MYO1D: variants seen among roughly 807,000 people sequenced by gnomAD.
MYO1D encodes the protein myosin ID, also known as unconventional myosin-Id.
MYO1D carries 83 observed loss-of-function variants against 122.0 expected under a neutral mutation model. The ratio of observed to expected loss-of-function variants is 0.68; its 90% CI spans 0.57 to 0.82. The LOEUF (loss-of-function observed/expected upper bound fraction) is 0.82, where lower values mean the gene tolerates loss of function less well. Among genes scored for constraint, MYO1D ranks in the 40% least tolerant of loss-of-function variants. MYO1D has a pLI of 0.00. For missense variants in MYO1D, 1,157 were observed against 1,269.5 expected (o/e 0.91, Z 1.35); for synonymous variants, 464 against 446.9 (o/e 1.04, Z -0.48).
At chr17:32,652,372 G>C (rs901488176) in intron 19 of MYO1D, among the ~76,000 whole-genome samples, 5 of 152,024 alleles carry the variant, frequency 3.3e-5, no homozygotes, top group African/African-American at 1.2e-4. Context: ...TTTTTTAAAA[G>C]ATCTGAAATG....
At position 32,732,436 on chromosome 17, in the gene MYO1D, T is replaced by C. The variant is rs531025231; in HGVS notation, c.1746+5817A>G. ...GACTCAGGCAGACAATGGGATAACC[T>C]GCCTGTGGAGAGGAGCTACCCACCA... On this transcript the variant is annotated intron_variant, in intron 14 of 21. Coordinates refer to ENST00000318217, the MANE Select transcript of MYO1D (RefSeq NM_015194.3). 1.6e-4 allele frequency among the ~76,000 whole-genome samples: 24 copies of C among 152,292 alleles called. No homozygotes were observed. In the South Asian group the frequency reaches 5.0e-3, roughly 32 times the overall value.
intron 21 of MYO1D, among the ~76,000 whole-genome samples, chr17:32,564,980 C>A (rs114151563): frequency 2.6e-5 from 4 of 152,084 alleles, no homozygotes; most frequent in African/African-American, 9.7e-5. Flanking sequence ...AACTAGACAT[C>A]ATTTCATTAT....
chr17:32,803,239 C>A (rs1372808561), intron 1 of MYO1D, among the ~76,000 whole-genome samples: 1 of 152,132 alleles, frequency 6.6e-6, no homozygotes, highest in African/African-American at 2.4e-5. Context: ...CTCCGCCTCC[C>A]AGGTTCACGC....
intron 21 of MYO1D, among the ~76,000 whole-genome samples, chr17:32,591,000 G>A (rs1469419671): frequency 6.6e-6 from 1 of 152,206 alleles, no homozygotes; most frequent in Non-Finnish European, 1.5e-5. Flanking sequence ...AGACAATGAT[G>A]AACACGTCAC....
rs112308528 is a variant in MYO1D, at chr17:32,620,527, C to A, written c.2710-15286G>T. ...CAGGCAGTCTGGGATAGAAAGGAGG[C>A]AAAAAGAAAAGCCAGGGAACCCCCC... On this transcript the variant is annotated intron_variant, in intron 20 of 21. Transcript: ENST00000318217. Among the ~76,000 whole-genome samples, 92 of 152,044 alleles carry A rather than the reference C, an allele frequency of 6.1e-4. 1 individual carries two copies. The highest frequency in any genetic ancestry group is 6.8e-3 in the Middle Eastern group (2 of 294).
intron 21 of MYO1D, among the ~76,000 whole-genome samples, chr17:32,561,134 A>G (rs1597898527): frequency 6.9e-6 from 1 of 145,750 alleles, no homozygotes; most frequent in Non-Finnish European, 1.5e-5. Context: ...CTAGTCTCGA[A>G]CTCCTGACCT....
intron 12 of MYO1D, among the ~76,000 whole-genome samples, chr17:32,747,611 C>A (rs1034541867): frequency 2.6e-5 from 4 of 151,968 alleles, no homozygotes; most frequent in African/African-American, 9.7e-5. Flanking sequence ...CCAAGGCGGG[C>A]AGATCAATTG....
chr17:32,765,813 T>G (rs1323164601), intron 7 of MYO1D, among the ~76,000 whole-genome samples: 2 of 152,166 alleles, frequency 1.3e-5, no homozygotes, highest in Non-Finnish European at 2.9e-5. Context: ...TGGTATCAAG[T>G]AAGAATCTAA....
intron 1 of MYO1D, among the ~76,000 whole-genome samples, chr17:32,783,476 C>T (rs1188896913): frequency 6.6e-6 from 1 of 152,080 alleles, no homozygotes; most frequent in Non-Finnish European, 1.5e-5. Context: ...ATCACTTGAG[C>T]CCAGGAGTTT....
At chr17:32,539,243 A>T (rs1169988481) in intron 21 of MYO1D, among the ~76,000 whole-genome samples, 1 of 150,318 alleles carries the variant, frequency 6.7e-6, no homozygotes, top group African/African-American at 2.4e-5. Flanking sequence ...GGTGTTCAAG[A>T]CCAGCCGAGG....
chr17:32,873,418 T>C (rs923492356), intron 1 of MYO1D, among the ~76,000 whole-genome samples: 1 of 152,260 alleles, frequency 6.6e-6, no homozygotes, highest in Middle Eastern at 3.4e-3. Flanking sequence ...AGTCATGAGG[T>C]ACAAGCACAC....
At chr17:32,746,655 T>A (rs2089841303) in intron 12 of MYO1D, among the ~76,000 whole-genome samples, 1 of 152,118 alleles carries the variant, frequency 6.6e-6, no homozygotes, top group Non-Finnish European at 1.5e-5. Context: ...GGCAGCCAGC[T>A]CTTTGTGGGA....
intron 21 of MYO1D, among the ~76,000 whole-genome samples, chr17:32,519,882 ACAG>A (rs1184401782): frequency 2.0e-5 from 3 of 148,722 alleles, no homozygotes; most frequent in Non-Finnish European, 4.4e-5. Flanking sequence ...ATGTGGGTAA[ACAG>A]CAGGCTTTTT....
At chr17:32,851,088 A>G (rs2090983486) in intron 1 of MYO1D, among the ~76,000 whole-genome samples, 1 of 152,162 alleles carries the variant, frequency 6.6e-6, no homozygotes, top group Non-Finnish European at 1.5e-5. Context: ...GACCTTTGGC[A>G]TTGTCTGGTG....
At chr17:32,683,197 T>C (rs1289698889) in intron 16 of MYO1D, among the ~76,000 whole-genome samples, 1 of 150,280 alleles carries the variant, frequency 6.7e-6, no homozygotes. Context: ...GGTTTGAATG[T>C]CCTCCCGTAG....
chr17:32,682,948 C>G (rs2088943404), intron 16 of MYO1D, among the ~76,000 whole-genome samples: 1 of 99,282 alleles, frequency 1.0e-5, no homozygotes, highest in Non-Finnish European at 1.9e-5. Flanking sequence ...TTGCTCATTT[C>G]TTTTTATTCT....
At chr17:32,560,422 T>C (rs965700824) in intron 21 of MYO1D, among the ~76,000 whole-genome samples, 21 of 149,592 alleles carry the variant, frequency 1.4e-4, no homozygotes, top group Non-Finnish European at 2.7e-4. Flanking sequence ...TAAGTAATAC[T>C]GAGATGAAGC....
chr17:32,757,655 G>A (rs928535181), intron 10 of MYO1D, among the ~76,000 whole-genome samples: 12 of 152,094 alleles, frequency 7.9e-5, no homozygotes, highest in African/African-American at 1.9e-4. Context: ...AATTAAAGAC[G>A]AAGTCTTTTG....
rs1166779063 is a variant in MYO1D, at chr17:32,713,898, A to C, written c.1914-1703T>G. On this transcript the variant is annotated intron_variant, in intron 15 of 21. Transcript: ENST00000318217. ...CTTGGCCTCTCAAAATGCTGGGATT[A>C]TAGGCAAGAGCCACTGCACTCAGTG... Among the ~76,000 whole-genome samples the C allele has an allele frequency of 2.0e-5, 3 of 152,262 alleles. No individual in the cohort carries two copies. In the East Asian group the frequency reaches 5.8e-4, roughly 29 times the overall value.
Sources: gnomAD v4.1 joint callset for allele counts (sites outside exome capture counted in the v4.1 genomes callset) on GRCh38, gnomAD v4.1.1 for gene constraint, MANE v1.5 for transcripts, NCBI Gene and HGNC (gene_info 2026-07-23, HGNC 2026-07-21) for gene names.